The following PPP2R2B variants were observed in gnomAD, a reference collection of about 807,000 sequenced individuals.
PPP2R2B encodes protein phosphatase 2 regulatory subunit Bbeta.
PPP2R2B carries 5 observed loss-of-function variants against 46.0 expected under a neutral mutation model. The ratio of observed to expected loss-of-function variants is 0.11; its 90% CI spans 0.06 to 0.23. PPP2R2B has a LOEUF of 0.23. Ranked by LOEUF, PPP2R2B falls within the 10% of genes least tolerant of loss-of-function variation. PPP2R2B has a pLI of 1.00. For missense variants in PPP2R2B, 367 were observed against 575.0 expected (o/e 0.64, Z 3.70); for synonymous variants, 215 against 206.7 (o/e 1.04, Z -0.34).
At chr5:147,080,047 ATTTGGTT>A (rs1757929629) in intron 2 of PPP2R2B, among the ~76,000 whole-genome samples, 1 of 152,100 alleles carries the variant, frequency 6.6e-6, no homozygotes, top group South Asian at 2.1e-4. Context: ...AACATAGAGT[ATTTGGTT>A]TTTGGTCACC....
chr5:146,685,779 C>G (rs183983818), intron 5 of PPP2R2B, among the ~76,000 whole-genome samples: 113 of 152,272 alleles, frequency 7.4e-4, no homozygotes, highest in African/African-American at 2.4e-3. Flanking sequence ...AGGACAGAAA[C>G]AGCCATTGTG....
At chr5:146,911,903 T>A (rs780012798) in intron 1 of PPP2R2B, among the ~76,000 whole-genome samples, 1 of 152,328 alleles carries the variant, frequency 6.6e-6, no homozygotes, top group Non-Finnish European at 1.5e-5. Context: ...ACGAATCACA[T>A]GCACAAAGCT....
chr5:146,807,913 C>T (rs942614779), intron 2 of PPP2R2B, among the ~76,000 whole-genome samples: 112 of 149,628 alleles, frequency 7.5e-4, no homozygotes, highest in African/African-American at 2.6e-3. Context: ...AATTCTCCTG[C>T]CTCAGCCTCC....
intron 2 of PPP2R2B, among the ~76,000 whole-genome samples, chr5:146,837,232 T>G (rs1759342619): frequency 6.6e-6 from 1 of 152,226 alleles, no homozygotes; most frequent in South Asian, 2.1e-4. Context: ...CTATTCGAAC[T>G]TTAAAAATAG....
chr5:146,886,174 TA>T (rs1212871248), intron 1 of PPP2R2B, among the ~76,000 whole-genome samples: 1 of 151,690 alleles, frequency 6.6e-6, no homozygotes, highest in Non-Finnish European at 1.5e-5. Context: ...CCGTCTCTAC[TA>T]AAAATACAAA....
chr5:146,888,481 T>C (rs1196124961), intron 1 of PPP2R2B, among the ~76,000 whole-genome samples: 2 of 152,156 alleles, frequency 1.3e-5, no homozygotes, highest in Non-Finnish European at 2.9e-5. Context: ...TATCAATAGA[T>C]TCGAACCAGT....
In PPP2R2B at chr5:147,081,335, G is replaced by A. The variant is rs545466717; in HGVS notation, c.-107C>T. On this transcript the variant is annotated 5_prime_UTR_variant, in exon 1 of 11. Coordinates refer to the PPP2R2B transcript ENST00000394413. ...GTCTGCAAGTACCACGTCCTGCTGT[G>A]AATCACTGCTCTGTCTCCTCCGTTT... The A allele has an allele frequency of 3.9e-6, 6 of 1,521,260 alleles. No homozygotes were observed. The South Asian group carries it at 6.0e-5, about 15-fold the overall frequency. The allele number at this position is 1,521,260 out of a possible 1,614,324, so 94.2% of individuals were successfully genotyped here.
chr5:146,978,753 T>C (rs988235791), intron 1 of PPP2R2B, among the ~76,000 whole-genome samples: 3 of 152,194 alleles, frequency 2.0e-5, no homozygotes, highest in African/African-American at 7.2e-5. Flanking sequence ...ACCAGTACCA[T>C]GCTGTTTTGG....
At chr5:147,051,601 A>G (rs1480155) in intron 1 of PPP2R2B, among the ~76,000 whole-genome samples, 62,175 of 151,730 alleles carry the variant, frequency 0.41, 15,713 homozygotes, top group Middle Eastern at 0.57. Context: ...AAGTCACAGT[A>G]CCCTTGTCCC....
chr5:147,057,473 G>T (rs766658342), upstream of PPP2R2B, among the ~76,000 whole-genome samples: 5 of 152,156 alleles, frequency 3.3e-5, no homozygotes, highest in South Asian at 2.1e-4. Flanking sequence ...GTGGGCTTTG[G>T]GTTCAACCTG....
intron 3 of PPP2R2B, among the ~76,000 whole-genome samples, chr5:146,699,271 T>C (rs1258542198): frequency 1.3e-5 from 2 of 152,172 alleles, no homozygotes; most frequent in African/African-American, 2.4e-5. Flanking sequence ...TCTCTGGGTG[T>C]GTGCCTCCTG....
chr5:147,018,200 G>A (rs1471651590), intron 1 of PPP2R2B, among the ~76,000 whole-genome samples: 4 of 152,112 alleles, frequency 2.6e-5, no homozygotes, highest in Admixed American at 2.6e-4. Flanking sequence ...ATATGGAATA[G>A]AAAGAGTAAA....
At chr5:146,608,136 G>A (rs575935867) in intron 7 of PPP2R2B, among the ~76,000 whole-genome samples, 2 of 152,318 alleles carry the variant, frequency 1.3e-5, no homozygotes, top group East Asian at 1.9e-4. Context: ...TGTTTGAGGG[G>A]TAGGAGGGGG....
At chr5:146,621,079 G>A (rs1220218756) in intron 7 of PPP2R2B, among the ~76,000 whole-genome samples, 1 of 152,246 alleles carries the variant, frequency 6.6e-6, no homozygotes, top group Non-Finnish European at 1.5e-5. Context: ...GAGTACGACA[G>A]CCCATCTTGG....
chr5:146,927,832 C>G (rs1180459044), intron 1 of PPP2R2B, among the ~76,000 whole-genome samples: 1 of 151,752 alleles, frequency 6.6e-6, no homozygotes, highest in Non-Finnish European at 1.5e-5. Context: ...CTCCTGGGTT[C>G]AAGCGATTCT....
chr5:146,653,154 G>T (rs959469342), intron 5 of PPP2R2B, among the ~76,000 whole-genome samples: 2 of 152,138 alleles, frequency 1.3e-5, no homozygotes, highest in African/African-American at 4.8e-5. Context: ...ACTGGCCCAG[G>T]GTTGCCCAGC....
Position 146,851,546 on chromosome 5 carries a change from C to T in PPP2R2B, c.70+26456G>A, listed in dbSNP as rs906102988. Among the ~76,000 whole-genome samples, 9 of 152,192 alleles carry T rather than the reference C, an allele frequency of 5.9e-5. No homozygotes were observed. The East Asian group carries it at 1.5e-3, about 26-fold the overall frequency. ...GGGATAACCTGCATCATTATTGCTT[C>T]GTGGTACCAGGTAGATCACAGTCTT... On this transcript the variant is annotated intron_variant, in intron 2 of 9. Transcript: ENST00000394411.
chr5:146,944,338 G>T (rs1001307664), intron 1 of PPP2R2B, among the ~76,000 whole-genome samples: 14 of 152,118 alleles, frequency 9.2e-5, no homozygotes, highest in African/African-American at 3.4e-4. Context: ...AGATTTTCAA[G>T]CTTTAGATCA....
chr5:147,054,693 C>T (rs772275975), intron 1 of PPP2R2B: 10 of 456,074 alleles, frequency 2.2e-5, no homozygotes, highest in Admixed American at 1.9e-4. Flanking sequence ...GTTTTCAGAA[C>T]AGGCTGGTCG....
Sources: gnomAD v4.1 joint callset for allele counts (sites outside exome capture counted in the v4.1 genomes callset) on GRCh38, gnomAD v4.1.1 for gene constraint, MANE v1.5 for transcripts, NCBI Gene and HGNC (gene_info 2026-07-23, HGNC 2026-07-21) for gene names.